ULK4: variants seen among roughly 807,000 people sequenced by gnomAD.
ULK4 encodes the protein unc-51 like kinase 4, also known as inactive serine/threonine-protein kinase ULK4.
ULK4 carries 133 observed loss-of-function variants against 160.6 expected under a neutral mutation model. The ratio of observed to expected loss-of-function variants is 0.83; its 90% CI spans 0.72 to 0.96. ULK4 has a LOEUF of 0.96. Ranked by LOEUF, ULK4 falls within the 40% of genes least tolerant of loss-of-function variation. The pLI, the probability that ULK4 is intolerant of heterozygous loss-of-function variation, is 0.00. For missense variants in ULK4, 1,580 were observed against 1,499.5 expected (o/e 1.05, Z -0.89); for synonymous variants, 534 against 539.8 (o/e 0.99, Z 0.15).
chr3:41,277,773 C>T (rs2079254646), intron 35 of ULK4: 1 of 152,222 alleles, frequency 6.6e-6, no homozygotes, highest in Non-Finnish European at 1.5e-5. Context: ...GTAAGTTAAA[C>T]TGTCACTGTT....
At chr3:41,443,777 A>G (rs966268173) in intron 34 of ULK4, among the ~76,000 whole-genome samples, 12 of 152,048 alleles carry the variant, frequency 7.9e-5, no homozygotes, top group African/African-American at 2.9e-4. Flanking sequence ...TCAATTATAT[A>G]CACATTTTAA....
At chr3:41,688,530 A>C (rs749727815) in intron 27 of ULK4, among the ~76,000 whole-genome samples, 20 of 152,190 alleles carry the variant, frequency 1.3e-4, no homozygotes, top group Non-Finnish European at 2.5e-4. Flanking sequence ...TTTTTGTATA[A>C]ATAAGGTATT....
intron 12 of ULK4, among the ~76,000 whole-genome samples, chr3:41,902,524 G>C (rs1371818591): frequency 1.3e-5 from 2 of 148,638 alleles, no homozygotes; most frequent in Admixed American, 1.4e-4. Context: ...GTTGCAGTGA[G>C]CCGAGATTGC....
intron 34 of ULK4, among the ~76,000 whole-genome samples, chr3:41,445,458 A>T (rs1313968827): frequency 6.6e-6 from 1 of 152,214 alleles, no homozygotes; most frequent in Non-Finnish European, 1.5e-5. Context: ...GCATCATGCT[A>T]CCTGACTTCA....
At chr3:41,933,752 A>AAT (rs1471427685) in intron 4 of ULK4, among the ~76,000 whole-genome samples, 3 of 152,082 alleles carry the variant, frequency 2.0e-5, no homozygotes, top group South Asian at 2.1e-4. Context: ...AATAAAAAAA[A>AAT]AATAATGTGG....
chr3:41,558,888 T>A (rs1474893270), intron 32 of ULK4, among the ~76,000 whole-genome samples: 1 of 151,238 alleles, frequency 6.6e-6, no homozygotes, highest in African/African-American at 2.4e-5. Context: ...TTATTTATTT[T>A]ATTACACTTT....
At chr3:41,679,292 A>C (rs934324821) in intron 29 of ULK4, among the ~76,000 whole-genome samples, 1 of 152,198 alleles carries the variant, frequency 6.6e-6, no homozygotes, top group Non-Finnish European at 1.5e-5. Context: ...GTTTCAAAAG[A>C]AGCATCCTAT....
At chr3:41,331,812 T>G (rs574791292) in intron 35 of ULK4, among the ~76,000 whole-genome samples, 17 of 152,346 alleles carry the variant, frequency 1.1e-4, no homozygotes, top group Non-Finnish European at 2.4e-4. Flanking sequence ...TCTGTTTGAC[T>G]GGCTGTCAAT....
chr3:41,435,332 CTG>C (rs1049014759), intron 34 of ULK4, among the ~76,000 whole-genome samples: 3 of 152,138 alleles, frequency 2.0e-5, no homozygotes, highest in Non-Finnish European at 4.4e-5. Flanking sequence ...ACAAACAGAA[CTG>C]TGTGAACCTA....
intron 13 of ULK4, among the ~76,000 whole-genome samples, chr3:41,900,470 G>A (rs976682754): frequency 6.6e-6 from 1 of 152,172 alleles, no homozygotes; most frequent in Non-Finnish European, 1.5e-5. Flanking sequence ...AAGCAGTAGT[G>A]AGAGGCAGCA....
chr3:41,721,358 ATATATTTTTTTTTTTTTTT>A (rs1443778620), intron 22 of ULK4, among the ~76,000 whole-genome samples: 2 of 61,262 alleles, frequency 3.3e-5, no homozygotes, highest in African/African-American at 1.9e-4. Context: ...ATATATATAT[ATATATTTTTTTTTTTTTTT>A]TTTTGAAACG....
chr3:41,337,473 C>A (rs2080585980), intron 35 of ULK4, among the ~76,000 whole-genome samples: 1 of 151,994 alleles, frequency 6.6e-6, no homozygotes, highest in Non-Finnish European at 1.5e-5. Flanking sequence ...GAGGGGCACA[C>A]CAACACCAAC....
chr3:41,717,043 A>T, intron 23 of ULK4, among the ~76,000 whole-genome samples: 1 of 152,174 alleles, frequency 6.6e-6, no homozygotes, highest in Non-Finnish European at 1.5e-5. Context: ...AAGGCTGAGA[A>T]GGGTGAATGG....
At chr3:41,652,507 T>C (rs2034781637) in intron 30 of ULK4, among the ~76,000 whole-genome samples, 1 of 152,204 alleles carries the variant, frequency 6.6e-6, no homozygotes, top group Non-Finnish European at 1.5e-5. Context: ...ATATCAGCCC[T>C]ATCAGTGTTG....
At chr3:41,528,379 T>C (rs1488365711) in intron 32 of ULK4, among the ~76,000 whole-genome samples, 1 of 152,240 alleles carries the variant, frequency 6.6e-6, no homozygotes, top group Non-Finnish European at 1.5e-5. Context: ...AATAGAAATG[T>C]ATAGAAACAG....
intron 2 of ULK4, among the ~76,000 whole-genome samples, chr3:41,947,345 AAAGC>A (rs889749289): frequency 4.6e-5 from 7 of 152,190 alleles, no homozygotes; most frequent in African/African-American, 1.7e-4. Context: ...GAAAAGGTCA[AAAGC>A]AAGGGAAAGT....
chr3:41,478,364 T>A (rs969939637), intron 32 of ULK4, among the ~76,000 whole-genome samples: 3 of 137,208 alleles, frequency 2.2e-5, no homozygotes, highest in Admixed American at 6.9e-5. Flanking sequence ...ATCTGGAAAG[T>A]CTCTGTATTC....
intron 22 of ULK4, among the ~76,000 whole-genome samples, chr3:41,729,241 A>T (rs977310426): frequency 6.6e-6 from 1 of 152,136 alleles, no homozygotes; most frequent in Non-Finnish European, 1.5e-5. Flanking sequence ...AATTCCCCCT[A>T]CAAGAAAAAG....
At chr3:41,396,492 C>G (rs1039694475) in intron 35 of ULK4, among the ~76,000 whole-genome samples, 7 of 152,058 alleles carry the variant, frequency 4.6e-5, no homozygotes, top group Non-Finnish European at 1.0e-4. Flanking sequence ...ATTATAGTCT[C>G]TAGTACTTGT....
Sources: gnomAD v4.1 joint callset for allele counts (sites outside exome capture counted in the v4.1 genomes callset) on GRCh38, gnomAD v4.1.1 for gene constraint, MANE v1.5 for transcripts, NCBI Gene and HGNC (gene_info 2026-07-23, HGNC 2026-07-21) for gene names.